GRIK3: variants seen among roughly 807,000 people sequenced by gnomAD.
GRIK3 encodes glutamate receptor ionotropic, kainate 3.
In GRIK3, 29 loss-of-function variants were observed where a neutral mutation model predicts 102.5. The ratio of observed to expected loss-of-function variants is 0.28; its 90% CI spans 0.21 to 0.39. GRIK3 has a LOEUF of 0.39. GRIK3 is among the 10% of genes least tolerant of loss of function. The probability of loss-of-function intolerance (pLI) is 1.00; values close to 1 mark genes in which losing one functional copy is unlikely to be tolerated. For synonymous variants in GRIK3, 511 were observed against 504.9 expected (o/e 1.01, Z -0.16); for missense variants, 908 against 1,252.4 (o/e 0.73, Z 4.15).
At chr1:36,927,568 T>G (rs1208570997) in intron 1 of GRIK3, among the ~76,000 whole-genome samples, 1 of 152,080 alleles carries the variant, frequency 6.6e-6, no homozygotes, top group Non-Finnish European at 1.5e-5. Flanking sequence ...CAGGCCACAC[T>G]CCATGTCGCC....
intron 1 of GRIK3, among the ~76,000 whole-genome samples, chr1:36,896,977 A>G (rs959939575): frequency 6.6e-6 from 1 of 152,194 alleles, no homozygotes; most frequent in Admixed American, 6.5e-5. Context: ...CTCAACAACT[A>G]GGAACAGAAG....
At chr1:36,938,647 G>A (rs144839242) in intron 1 of GRIK3, among the ~76,000 whole-genome samples, 1 of 152,126 alleles carries the variant, frequency 6.6e-6, no homozygotes, top group Non-Finnish European at 1.5e-5. Flanking sequence ...CAGTGTTTGT[G>A]TCACCCCCCA....
At chr1:36,897,690 G>C (rs191852828) in intron 1 of GRIK3, among the ~76,000 whole-genome samples, 1 of 152,192 alleles carries the variant, frequency 6.6e-6, no homozygotes, top group African/African-American at 2.4e-5. Flanking sequence ...TACCATGTTG[G>C]TGGGAATGTG....
At chr1:36,999,367 G>T (rs1415761988) in intron 1 of GRIK3, among the ~76,000 whole-genome samples, 1 of 152,120 alleles carries the variant, frequency 6.6e-6, no homozygotes, top group Non-Finnish European at 1.5e-5. Flanking sequence ...GAAGTGAACT[G>T]CAAGTCGGGA....
At chr1:36,992,025 G>A (rs184479527) in intron 1 of GRIK3, among the ~76,000 whole-genome samples, 1 of 152,200 alleles carries the variant, frequency 6.6e-6, no homozygotes, top group African/African-American at 2.4e-5. Flanking sequence ...GAGGACCTGG[G>A]GGGTGGTTCC....
At chr1:36,809,427 C>A (rs559908654) in intron 13 of GRIK3, among the ~76,000 whole-genome samples, 35 of 152,148 alleles carry the variant, frequency 2.3e-4, no homozygotes, top group Non-Finnish European at 4.1e-4. Context: ...ATCATCCATC[C>A]CTTTCTCCTT....
At chr1:36,916,228 TG>T (rs1298173190) in intron 1 of GRIK3, among the ~76,000 whole-genome samples, 1 of 152,180 alleles carries the variant, frequency 6.6e-6, no homozygotes, top group Non-Finnish European at 1.5e-5. Flanking sequence ...TTAGTGTATC[TG>T]GTGGAAAAAG....
chr1:36,916,779 AC>A (rs1213363967), intron 1 of GRIK3, among the ~76,000 whole-genome samples: 1 of 152,192 alleles, frequency 6.6e-6, no homozygotes, highest in Non-Finnish European at 1.5e-5. Flanking sequence ...GGATGCCCAG[AC>A]AAAAGTTTGC....
chr1:36,810,887 C>G (rs1004267447), intron 13 of GRIK3, among the ~76,000 whole-genome samples: 3 of 152,220 alleles, frequency 2.0e-5, no homozygotes, highest in South Asian at 2.1e-4. Flanking sequence ...CACCTCCCCC[C>G]ATCCCGGCAG....
chr1:36,989,964 C>T (rs1164560142), intron 1 of GRIK3, among the ~76,000 whole-genome samples: 1 of 152,190 alleles, frequency 6.6e-6, no homozygotes, highest in Admixed American at 6.5e-5. Flanking sequence ...TATTCTTACG[C>T]TTGATTCGGA....
chr1:36,957,416 G>GTGCCCTGTGAGTCTA (rs1366826936), intron 1 of GRIK3, among the ~76,000 whole-genome samples: 179 of 131,406 alleles, frequency 1.4e-3, no homozygotes, highest in Non-Finnish European at 1.6e-3. Context: ...GTGAGCCTGT[G>GTGCCCTGTGAGTCTA]TGCCCCATGA....
chr1:36,926,494 G>T (rs188256698), intron 1 of GRIK3, among the ~76,000 whole-genome samples: 3 of 151,722 alleles, frequency 2.0e-5, no homozygotes, highest in Non-Finnish European at 2.9e-5. Flanking sequence ...GGGTTCAAGC[G>T]ATTCTTCTGC....
intron 1 of GRIK3, among the ~76,000 whole-genome samples, chr1:36,981,296 C>G (rs1642245710): frequency 6.6e-6 from 1 of 152,186 alleles, no homozygotes; most frequent in Non-Finnish European, 1.5e-5. Context: ...TGCCCACCCG[C>G]CATTGCCACA....
chr1:36,813,540 C>G (rs191367935), intron 13 of GRIK3, among the ~76,000 whole-genome samples: 2 of 152,158 alleles, frequency 1.3e-5, no homozygotes, highest in Non-Finnish European at 2.9e-5. Flanking sequence ...CCTTGTACCC[C>G]GCTCCACCAC....
At chr1:36,896,401 A>T (rs1053225177) in intron 1 of GRIK3, among the ~76,000 whole-genome samples, 1 of 152,122 alleles carries the variant, frequency 6.6e-6, no homozygotes, top group Non-Finnish European at 1.5e-5. Context: ...TTACTGTAAA[A>T]TACTCACACT....
chr1:37,019,276 G>T (rs2124073016), intron 1 of GRIK3, among the ~76,000 whole-genome samples: 1 of 152,348 alleles, frequency 6.6e-6, no homozygotes, highest in South Asian at 2.1e-4. Context: ...CAGCTCAGGG[G>T]TGAAAGAACA....
chr1:37,001,920 A>G (rs547096621), intron 1 of GRIK3, among the ~76,000 whole-genome samples: 7 of 152,194 alleles, frequency 4.6e-5, no homozygotes, highest in Non-Finnish European at 1.0e-4. Context: ...ACTGCCTCAG[A>G]GGCCTCACAA....
chr1:36,877,784 C>T (rs1232443648), intron 3 of GRIK3, among the ~76,000 whole-genome samples: 1 of 152,198 alleles, frequency 6.6e-6, no homozygotes, highest in Non-Finnish European at 1.5e-5. Flanking sequence ...ACCTATCCTG[C>T]TCCAATCTCT....
At chr1:37,010,675 G>A (rs994358522) in intron 1 of GRIK3, among the ~76,000 whole-genome samples, 3 of 151,068 alleles carry the variant, frequency 2.0e-5, no homozygotes, top group Non-Finnish European at 2.9e-5. Flanking sequence ...GTCTGTGTGC[G>A]CTCCAGCGAG....
Sources: allele counts gnomAD v4.1 joint callset (sites outside exome capture counted in the v4.1 genomes callset), GRCh38; gene constraint gnomAD v4.1.1; transcripts MANE v1.5; gene names NCBI Gene and HGNC (gene_info 2026-07-23, HGNC 2026-07-21).